STEAP4: variants seen among roughly 807,000 people sequenced by gnomAD.
STEAP4 encodes the protein STEAP4 metalloreductase.
STEAP4 carries 36 observed loss-of-function variants against 43.6 expected under a neutral mutation model. That is an observed-to-expected ratio of 0.83 (90% CI 0.63 to 1.09). STEAP4 has a LOEUF of 1.09. Among genes scored for constraint, STEAP4 ranks in the 50% least tolerant of loss-of-function variants. STEAP4 has a pLI of 0.00. For missense variants in STEAP4, 495 were observed against 546.5 expected, an observed-to-expected ratio of 0.91 and a Z score of 0.94; for synonymous variants, 191 against 196.7, an observed-to-expected ratio of 0.97 and a Z score of 0.24.
intron 1 of STEAP4, among the ~76,000 whole-genome samples, chr7:88,293,477 AT>A (rs1852874823): frequency 6.6e-6 from 1 of 152,082 alleles, no homozygotes; most frequent in African/African-American, 2.4e-5. Context: ...TGTCCAATTT[AT>A]TTAATTTTTT....
rs1852512100 is a variant in STEAP4, at chr7:88,276,283, A to T, written c.*3115T>A. The stretch of plus-strand genomic sequence containing the variant: ...CTGCAGATCTGTTAATGCACTTTCA[A>T]ACCCATGCACTGCCTTCTCTTTTGC... On this transcript the variant is annotated 3_prime_UTR_variant, in exon 5 of 5. Coordinates refer to ENST00000380079, the MANE Select transcript of STEAP4 (RefSeq NM_024636.4). The T allele has an allele frequency of 2.0e-5, 3 of 152,214 alleles. No homozygotes were observed. Among genetic ancestry groups the T allele is most frequent in the African/African-American group, 7.2e-5 (3 of 41,446 alleles). 9.4% of individuals were successfully genotyped at this position (152,214 alleles called of 1,614,324 possible). A position where few individuals can be genotyped will look rare whatever the true frequency, so the allele number is the denominator to read the frequency against.
At chr7:88,304,196 G>C (rs1036386091) in intron 1 of STEAP4, 1 of 152,208 alleles carries the variant, frequency 6.6e-6, no homozygotes, top group South Asian at 2.1e-4. Context: ...GGGATGGGGG[G>C]AGTGGGGAGG....
chr7:88,288,473 GATTT>G (rs1852778231), intron 1 of STEAP4, among the ~76,000 whole-genome samples: 1 of 152,146 alleles, frequency 6.6e-6, no homozygotes, highest in South Asian at 2.1e-4. Context: ...CCCAGCTAAA[GATTT>G]ATTTTTAGAA....
chr7:88,296,787 G>C (rs1852931523), intron 1 of STEAP4, among the ~76,000 whole-genome samples: 1 of 151,996 alleles, frequency 6.6e-6, no homozygotes, highest in Non-Finnish European at 1.5e-5. Flanking sequence ...TGAGATCAAG[G>C]CTCCCTAGGG....
chr7:88,289,705 T>C (rs1177603397), intron 1 of STEAP4, among the ~76,000 whole-genome samples: 3 of 152,228 alleles, frequency 2.0e-5, no homozygotes, highest in Non-Finnish European at 2.9e-5. Context: ...ATCTGAATCA[T>C]TTTATAAACA....
At chr7:88,285,476 T>C (rs1247938763) in intron 1 of STEAP4, among the ~76,000 whole-genome samples, 3 of 151,968 alleles carry the variant, frequency 2.0e-5, no homozygotes, top group Non-Finnish European at 4.4e-5. Flanking sequence ...TATTAAAATT[T>C]TTATAAAGCT....
intron 1 of STEAP4, among the ~76,000 whole-genome samples, chr7:88,299,927 T>C (rs946154711): frequency 5.3e-5 from 8 of 152,168 alleles, no homozygotes. Flanking sequence ...TGCTTATGAA[T>C]ATAGCCTACT....
chr7:88,280,926 G>C lies in STEAP4; in HGVS notation c.1138C>G (p.Arg380Gly), dbSNP rs558591279. 1.2e-6 allele frequency: 2 copies of C among 1,603,840 alleles called. No homozygotes were observed. Among genetic ancestry groups the C allele is most frequent in the Admixed American group, 3.5e-5 (2 of 57,970 alleles). Residue 380 changes from arginine (R) to glycine (G), a missense_variant, in exon 4 of 5, where the codon CGA becomes GGA. Coordinates refer to ENST00000380079, the MANE Select transcript of STEAP4 (RefSeq NM_024636.4). ...CTTGAAGTTCTTACCTGGACAAATC[G>C]GAACTCTCTCCAGTTGACTGCATTG... ...VSNAVNWREF[R>G]FVQSKLGYLT...
At chr7:88,287,595 T>A (rs1266157717) in intron 1 of STEAP4, among the ~76,000 whole-genome samples, 1 of 152,184 alleles carries the variant, frequency 6.6e-6, no homozygotes, top group Non-Finnish European at 1.5e-5. Flanking sequence ...TGGGAAGTGC[T>A]GATTGGTCAG....
Position 88,276,598 on chromosome 7 carries a change from T to C in STEAP4, c.*2800A>G, listed in dbSNP as rs1852516839. 6.6e-6 allele frequency: 1 copy of C among 152,532 alleles called. No homozygotes were observed. The highest frequency in any genetic ancestry group is 2.4e-5 in the African/African-American group (1 of 41,464). 9.4% of individuals were successfully genotyped at this position (152,532 alleles called of 1,614,324 possible). On this transcript the variant is annotated 3_prime_UTR_variant, in exon 5 of 5. Transcript: ENST00000380079. ...CTTTTTTTTTAAATGTAAAATAGTT[T>C]GGATCTGTTAAAAGGAATACAGTTC...
intron 1 of STEAP4, among the ~76,000 whole-genome samples, chr7:88,293,688 G>T (rs761461358): frequency 7.9e-5 from 12 of 152,088 alleles, no homozygotes; most frequent in Non-Finnish European, 1.5e-4. Context: ...TTGTTGAAAA[G>T]ACTATCCTTA....
At chr7:88,295,431 C>A (rs947873770) in intron 1 of STEAP4, among the ~76,000 whole-genome samples, 17 of 152,154 alleles carry the variant, frequency 1.1e-4, no homozygotes, top group Admixed American at 1.0e-3. Flanking sequence ...AGGTAGAGAG[C>A]CTGAAGGCCC....
At chr7:88,297,087 T>G (rs904235888) in intron 1 of STEAP4, among the ~76,000 whole-genome samples, 5 of 152,220 alleles carry the variant, frequency 3.3e-5, no homozygotes, top group Non-Finnish European at 7.3e-5. Context: ...AATTTTCAAA[T>G]TCTTTCTTTT....
At chr7:88,299,139 T>G (rs567894950) in intron 1 of STEAP4, among the ~76,000 whole-genome samples, 54 of 152,344 alleles carry the variant, frequency 3.5e-4, no homozygotes, top group African/African-American at 1.2e-3. Context: ...GTTAACTATT[T>G]TAATTGTATT....
intron 4 of STEAP4, 114 bp from the exon 5 acceptor site, chr7:88,279,742 G>A (rs1482898483): frequency 1.2e-6 from 1 of 837,700 alleles, no homozygotes; most frequent in Non-Finnish European, 1.8e-6. Flanking sequence ...GACCTATAAT[G>A]TTTAGGACAC....
chr7:88,286,784 C>A (rs1852743545), intron 1 of STEAP4, among the ~76,000 whole-genome samples: 2 of 148,202 alleles, frequency 1.3e-5, no homozygotes, highest in Non-Finnish European at 3.0e-5. Context: ...CACACACACA[C>A]ACACACACAC....
Position 88,271,184 on chromosome 7 carries a change from T to C in STEAP4, c.*8214A>G, listed in dbSNP as rs1768342715. 6.6e-6 allele frequency: 1 copy of C among 152,162 alleles called. No homozygotes were observed. The highest frequency in any genetic ancestry group is 1.5e-5 in the Non-Finnish European group (1 of 68,008). The allele number at this position is 152,162 out of a possible 1,614,324, so 9.4% of individuals were successfully genotyped here. A position where few individuals can be genotyped will look rare whatever the true frequency, so the allele number is the denominator to read the frequency against. On this transcript the variant is annotated 3_prime_UTR_variant, in exon 5 of 5. Coordinates refer to ENST00000380079, the MANE Select transcript of STEAP4 (RefSeq NM_024636.4). Reference sequence around the variant, plus strand: ...CTGTAATTTTGTATCTTTTAACAAATTTCTTCCTATCCCCCATTACCTTTT... The same window carrying C: ...CTGTAATTTTGTATCTTTTAACAAACTTCTTCCTATCCCCCATTACCTTTT...
chr7:88,300,942 C>G (rs2116026442), intron 1 of STEAP4, among the ~76,000 whole-genome samples: 1 of 152,282 alleles, frequency 6.6e-6, no homozygotes, highest in African/African-American at 2.4e-5. Flanking sequence ...CCCTCTCTAC[C>G]TCACACATGG....
At chr7:88,298,457 G>C (rs1188156851) in intron 1 of STEAP4, 2 of 119,558 alleles carry the variant, frequency 1.7e-5, no homozygotes, top group African/African-American at 6.7e-5. Flanking sequence ...CATCAAACTG[G>C]TTCTTGTAAA....
Sources: gnomAD v4.1 joint callset for allele counts (sites outside exome capture counted in the v4.1 genomes callset) on GRCh38, gnomAD v4.1.1 for gene constraint, MANE v1.5 for transcripts, NCBI Gene and HGNC (gene_info 2026-07-23, HGNC 2026-07-21) for gene names.